The following PTPRR variants were observed in gnomAD, a reference collection of about 807,000 sequenced individuals.
The protein encoded by PTPRR is protein tyrosine phosphatase receptor type R.
In PTPRR, 38 loss-of-function variants were observed where a neutral mutation model predicts 77.2. The ratio of observed to expected loss-of-function variants is 0.49; its 90% CI spans 0.38 to 0.65. PTPRR has a LOEUF of 0.65. Ranked by LOEUF, PTPRR falls within the 30% of genes least tolerant of loss-of-function variation. PTPRR has a pLI of 0.00. For synonymous variants in PTPRR, 299 were observed against 283.1 expected (o/e 1.06, Z -0.57); for missense variants, 744 against 799.2 (o/e 0.93, Z 0.83).
At chr12:70,718,906 C>A (rs186353993) in intron 6 of PTPRR, among the ~76,000 whole-genome samples, 20 of 152,112 alleles carry the variant, frequency 1.3e-4, no homozygotes, top group Non-Finnish European at 1.5e-5. Flanking sequence ...TTTTTGCTTT[C>A]GTATGTCTGA....
intron 1 of PTPRR, among the ~76,000 whole-genome samples, chr12:70,918,118 T>C (rs1565740835): frequency 6.6e-6 from 1 of 152,202 alleles, no homozygotes; most frequent in Non-Finnish European, 1.5e-5. Flanking sequence ...TCCAAATGTA[T>C]AGAAGCTTAG....
At chr12:70,878,751 G>GTA (rs1198343088) in intron 2 of PTPRR, among the ~76,000 whole-genome samples, 1 of 152,156 alleles carries the variant, frequency 6.6e-6, no homozygotes. Context: ...CCATTACTGG[G>GTA]TATATACCCA....
At chr12:70,767,066 A>G (rs1331176316) in intron 2 of PTPRR, among the ~76,000 whole-genome samples, 1 of 152,226 alleles carries the variant, frequency 6.6e-6, no homozygotes, top group East Asian at 1.9e-4. Context: ...AATCACGCCA[A>G]AATGTAAAGA....
intron 2 of PTPRR, among the ~76,000 whole-genome samples, chr12:70,807,810 AGCTGAGGATGTAT>A (rs549262058): frequency 2.6e-5 from 4 of 152,156 alleles, no homozygotes; most frequent in Admixed American, 6.5e-5. Flanking sequence ...CATCTTCATA[AGCTGAGGATGTAT>A]GTCACCTCAG....
At chr12:70,746,699 T>C (rs1283173202) in intron 5 of PTPRR, among the ~76,000 whole-genome samples, 2 of 152,066 alleles carry the variant, frequency 1.3e-5, no homozygotes, top group Non-Finnish European at 2.9e-5. Flanking sequence ...ATATTTATTT[T>C]ATTTTATTTC....
At chr12:70,803,166 G>A (rs1477224182) in intron 2 of PTPRR, among the ~76,000 whole-genome samples, 1 of 152,168 alleles carries the variant, frequency 6.6e-6, no homozygotes, top group Non-Finnish European at 1.5e-5. Context: ...ATCAGCTCAT[G>A]AGCCAAATTG....
In PTPRR at chr12:70,864,996, G is replaced by T. The variant is rs1464468738; in HGVS notation, c.357+27683C>A. Among the ~76,000 whole-genome samples, 6 of 151,972 alleles carry T rather than the reference G, an allele frequency of 3.9e-5. No individual in the cohort carries two copies. The East Asian group carries it at 7.7e-4, about 20-fold the overall frequency. ...CTGGCTAATTTTTTTTGTATTTTTA[G>T]TACAGACGGGGTTTTACCATGTTGG... is the stretch of plus-strand genomic sequence containing the variant. On this transcript the variant is annotated intron_variant, in intron 2 of 13. Coordinates refer to ENST00000283228, the MANE Select transcript of PTPRR (RefSeq NM_002849.4).
intron 2 of PTPRR, among the ~76,000 whole-genome samples, chr12:70,884,682 AC>A (rs1209705917): frequency 6.6e-6 from 1 of 150,872 alleles, no homozygotes; most frequent in Non-Finnish European, 1.5e-5. Context: ...CCTGGCTAAC[AC>A]GGTGAAACCC....
intron 2 of PTPRR, among the ~76,000 whole-genome samples, chr12:70,887,310 G>A (rs1024500554): frequency 1.3e-5 from 2 of 152,026 alleles, no homozygotes; most frequent in African/African-American, 2.4e-5. Flanking sequence ...AATTTAGCTG[G>A]GCGTGGTGGT....
intron 2 of PTPRR, among the ~76,000 whole-genome samples, chr12:70,794,126 C>T (rs1891468472): frequency 6.6e-6 from 1 of 152,112 alleles, no homozygotes. Context: ...TAGAATCCCC[C>T]CCATAGACAA....
At chr12:70,846,933 A>G (rs1798266984) in intron 2 of PTPRR, among the ~76,000 whole-genome samples, 1 of 152,000 alleles carries the variant, frequency 6.6e-6, no homozygotes, top group Non-Finnish European at 1.5e-5. Flanking sequence ...CCGAACTGAA[A>G]TTGCTTATGG....
chr12:70,818,985 G>T (rs1891957349), intron 2 of PTPRR, among the ~76,000 whole-genome samples: 1 of 152,104 alleles, frequency 6.6e-6, no homozygotes, highest in Non-Finnish European at 1.5e-5. Flanking sequence ...CTACAAGGAG[G>T]TCACAATCTT....
At chr12:70,887,689 G>T (rs1206591812) in intron 2 of PTPRR, among the ~76,000 whole-genome samples, 1 of 152,032 alleles carries the variant, frequency 6.6e-6, no homozygotes, top group Non-Finnish European at 1.5e-5. Flanking sequence ...CCTGATTCAG[G>T]CAGGAATAGG....
At chr12:70,670,611 T>G (rs771784729) in intron 10 of PTPRR, among the ~76,000 whole-genome samples, 1 of 152,234 alleles carries the variant, frequency 6.6e-6, no homozygotes, top group Non-Finnish European at 1.5e-5. Context: ...TATACCTACT[T>G]CCCTTCTTTT....
At chr12:70,664,680 C>G (rs1393107617) in intron 10 of PTPRR, 1 of 152,170 alleles carries the variant, frequency 6.6e-6, no homozygotes, top group Non-Finnish European at 1.5e-5. Context: ...TCGCTTCTCT[C>G]CCAAGCTTGC....
At chr12:70,673,782 T>C (rs1367389685) in intron 10 of PTPRR, among the ~76,000 whole-genome samples, 1 of 152,212 alleles carries the variant, frequency 6.6e-6, no homozygotes, top group Non-Finnish European at 1.5e-5. Flanking sequence ...TGCTAAATAT[T>C]GCATGAAGTT....
chr12:70,877,633 C>T (rs138127668), intron 2 of PTPRR, among the ~76,000 whole-genome samples: 4,387 of 152,108 alleles, frequency 0.029, 98 homozygotes, highest in Non-Finnish European at 0.045. Flanking sequence ...TCCATGCTCA[C>T]GGGTAGGAAG....
chr12:70,872,618 C>T (rs1892978066), intron 2 of PTPRR, among the ~76,000 whole-genome samples: 1 of 146,414 alleles, frequency 6.8e-6, no homozygotes, highest in Non-Finnish European at 1.5e-5. Flanking sequence ...ATGGCATGAA[C>T]CCAGGAGGCA....
At chr12:70,646,933 A>T (rs1886221654) in intron 13 of PTPRR, among the ~76,000 whole-genome samples, 1 of 151,690 alleles carries the variant, frequency 6.6e-6, no homozygotes, top group Admixed American at 6.6e-5. Flanking sequence ...TTCTTCTGAG[A>T]TGGCTGTAGT....
Sources: allele counts gnomAD v4.1 joint callset (sites outside exome capture counted in the v4.1 genomes callset), GRCh38; gene constraint gnomAD v4.1.1; transcripts MANE v1.5; gene names NCBI Gene and HGNC (gene_info 2026-07-23, HGNC 2026-07-21).